Variants in STRN3 observed in about 807,000 individuals in gnomAD.
The protein encoded by STRN3 is striatin-3.
Under a neutral mutation model 95.6 loss-of-function variants are expected in STRN3, and 29 were observed. The observed-to-expected ratio is 0.30, with a 90% CI of 0.23 to 0.41. The LOEUF is 0.41. STRN3 is among the 10% of genes least tolerant of loss of function. The probability of loss-of-function intolerance (pLI) is 1.00; values close to 1 mark genes in which losing one functional copy is unlikely to be tolerated. For missense variants in STRN3, 890 were observed against 972.1 expected (o/e 0.92, Z 1.12); for synonymous variants, 331 against 357.6 (o/e 0.93, Z 0.84).
chr14:30,928,887 C>T (rs776201920), intron 8 of STRN3, among the ~76,000 whole-genome samples: 3 of 152,076 alleles, frequency 2.0e-5, no homozygotes, highest in African/African-American at 4.8e-5. Flanking sequence ...TTATACTTTT[C>T]TCCCTTTTGA....
chr14:30,905,582 A>C, intron 14 of STRN3, 24 bp from the exon 15 acceptor site: 1 of 1,567,512 alleles, frequency 6.4e-7, no homozygotes, highest in Non-Finnish European at 8.6e-7. Context: ...AAAGACAGAC[A>C]ATGTAAACAA....
chr14:30,902,755 G>A, intron 15 of STRN3, 112 bp from the exon 16 acceptor site: 1 of 701,542 alleles, frequency 1.4e-6, no homozygotes, highest in South Asian at 1.9e-5. Context: ...TAAACCTTTT[G>A]CATAAAACAA....
intron 1 of STRN3, among the ~76,000 whole-genome samples, chr14:30,985,139 A>G (rs1881617790): frequency 6.6e-6 from 1 of 150,794 alleles, no homozygotes; most frequent in South Asian, 2.1e-4. Context: ...CAATATGACG[A>G]AACCCCATTT....
intron 1 of STRN3, among the ~76,000 whole-genome samples, chr14:30,971,854 G>A (rs187749185): frequency 2.6e-4 from 39 of 152,198 alleles, no homozygotes; most frequent in Admixed American, 2.4e-3. Flanking sequence ...TTCTTGTCGG[G>A]TGCTGTGTCA....
At chr14:30,902,478 T>C (rs1425349947) in intron 16 of STRN3, 58 bp downstream of exon 16, 6 of 1,215,226 alleles carry the variant, frequency 4.9e-6, no homozygotes, top group Non-Finnish European at 5.9e-6. Context: ...TAAAACAGCA[T>C]TTTTGATCAT....
chr14:30,924,913 T>G (rs1212380892), intron 8 of STRN3, among the ~76,000 whole-genome samples: 2 of 152,164 alleles, frequency 1.3e-5, no homozygotes, highest in Non-Finnish European at 2.9e-5. Flanking sequence ...GTGTTAACAT[T>G]TGGTGGGTAA....
chr14:30,938,292 G>A (rs895086693), intron 5 of STRN3, among the ~76,000 whole-genome samples: 7 of 151,974 alleles, frequency 4.6e-5, no homozygotes, highest in African/African-American at 7.2e-5. Context: ...ATGCAAATTA[G>A]TAAAAACAAC....
intron 5 of STRN3, among the ~76,000 whole-genome samples, chr14:30,937,031 T>C (rs1878856532): frequency 6.6e-6 from 1 of 152,144 alleles, no homozygotes; most frequent in African/African-American, 2.4e-5. Flanking sequence ...CCAAAGTTTA[T>C]CAGGCGGGGC....
intron 8 of STRN3, among the ~76,000 whole-genome samples, chr14:30,927,746 G>C (rs1166015801): frequency 6.6e-6 from 1 of 151,572 alleles, no homozygotes. Flanking sequence ...GGCTAACGCA[G>C]TAAATCTCCG....
At chr14:30,917,543 A>T (rs1896771404) in intron 9 of STRN3, among the ~76,000 whole-genome samples, 1 of 150,536 alleles carries the variant, frequency 6.6e-6, no homozygotes, top group African/African-American at 2.4e-5. Flanking sequence ...TCACCACTAA[A>T]TGCATAAAAT....
intron 1 of STRN3, among the ~76,000 whole-genome samples, chr14:31,021,557 A>G (rs1883506712): frequency 6.6e-6 from 1 of 152,210 alleles, no homozygotes; most frequent in Admixed American, 6.5e-5. Flanking sequence ...TAAAAATCTG[A>G]TTCTGAATAT....
intron 1 of STRN3, among the ~76,000 whole-genome samples, chr14:30,958,018 T>C (rs1953962206): frequency 2.6e-5 from 4 of 152,206 alleles, no homozygotes; most frequent in African/African-American, 9.6e-5. Flanking sequence ...AAATAACTGC[T>C]GTCGTCAAAA....
At position 30,918,953 on chromosome 14, in the gene STRN3, C is replaced by T; in HGVS notation, c.1240+13G>A. 3 of 1,551,206 alleles carry T rather than the reference C, an allele frequency of 1.9e-6. No individual in the cohort carries two copies. Among genetic ancestry groups the T allele is most frequent in the Non-Finnish European group, 1.7e-6 (2 of 1,145,404 alleles). The stretch of plus-strand genomic sequence containing the variant: ...TCTGAAATGTAAATAAACATGGTAG[C>T]TAAATTTTGTACCTTCCTCTGCTCT... On this transcript the variant is annotated intron_variant, in intron 9 of 17. Transcript: ENST00000357479.
intron 9 of STRN3, among the ~76,000 whole-genome samples, chr14:30,915,829 A>C (rs536649367): frequency 3.1e-4 from 47 of 152,326 alleles, no homozygotes; most frequent in Middle Eastern, 3.4e-3. Flanking sequence ...TTGCAAGACT[A>C]TCTCTGATCA....
intron 16 of STRN3, 84 bp downstream of exon 16, chr14:30,902,452 G>GT: frequency 1.1e-6 from 1 of 918,830 alleles, no homozygotes; most frequent in Non-Finnish European, 1.6e-6. Flanking sequence ...TATCTGAAAA[G>GT]TCAATATATC....
At chr14:30,923,419 T>C (rs1049559655) in intron 8 of STRN3, among the ~76,000 whole-genome samples, 4 of 152,156 alleles carry the variant, frequency 2.6e-5, no homozygotes, top group African/African-American at 7.2e-5. Flanking sequence ...TTCAAATGTA[T>C]TGATAATCAG....
rs1387507469 is a variant in STRN3, at chr14:30,954,631, TATTTTATTCCTCA to T, written c.460+976_460+988del. Among the ~76,000 whole-genome samples the T allele has an allele frequency of 4.6e-5, 7 of 152,330 alleles. No homozygotes were observed. The East Asian group carries it at 1.3e-3, about 29-fold the overall frequency. On this transcript the variant is annotated intron_variant, in intron 3 of 17. Transcript: ENST00000357479. ...GTAAAGAAAATACTTGGTTGGATAT[TATTTTATTCCTCA>T]ACTTGAGGAACTTTTAATATTTAGG...
chr14:30,926,502 T>C (rs1287034788), intron 8 of STRN3, among the ~76,000 whole-genome samples: 3 of 151,906 alleles, frequency 2.0e-5, no homozygotes, highest in African/African-American at 4.8e-5. Flanking sequence ...TTGCAGGTGA[T>C]TTTTATAGTT....
chr14:31,019,717 T>G (rs764622187), intron 1 of STRN3, among the ~76,000 whole-genome samples: 2 of 151,954 alleles, frequency 1.3e-5, no homozygotes, highest in Non-Finnish European at 2.9e-5. Context: ...TTTCTTACCT[T>G]TTTTGAAAAA....
Sources: allele counts gnomAD v4.1 joint callset (sites outside exome capture counted in the v4.1 genomes callset), GRCh38; gene constraint gnomAD v4.1.1; transcripts MANE v1.5; gene names NCBI Gene and HGNC (gene_info 2026-07-23, HGNC 2026-07-21).